The following SCARA5 variants were observed in gnomAD, a reference collection of about 807,000 sequenced individuals.
SCARA5 encodes scavenger receptor class A, member 5 (putative).
Under a neutral mutation model 46.3 loss-of-function variants are expected in SCARA5, and 45 were observed. The observed-to-expected ratio is 0.97, with a 90% CI of 0.76 to 1.24. The LOEUF is 1.24. SCARA5 is among the 50% of genes most tolerant of loss of function. The pLI is 0.00. For missense variants in SCARA5, 680 were observed against 689.0 expected (o/e 0.99, Z 0.15); for synonymous variants, 333 against 306.5 (o/e 1.09, Z -0.90).
In SCARA5 at chr8:27,871,819, A is replaced by T. The variant is rs1020272041; in HGVS notation, c.*115T>A. ...CTGGGATGCAGGTGTGAGGACTGAG[A>T]ATGCTGGACGGGGTGTGGTCGAGGC... On this transcript the variant is annotated 3_prime_UTR_variant, in exon 9 of 9. Coordinates refer to ENST00000354914, the MANE Select transcript of SCARA5 (RefSeq NM_173833.6). 3.2e-6 allele frequency: 5 copies of T among 1,560,758 alleles called. No homozygotes were observed. The highest frequency in any genetic ancestry group is 1.3e-5 in the African/African-American group (1 of 74,158).
chr8:27,892,754 C>T (rs1055531322), intron 7 of SCARA5, among the ~76,000 whole-genome samples: 5 of 152,058 alleles, frequency 3.3e-5, no homozygotes, highest in Non-Finnish European at 7.4e-5. Flanking sequence ...CACAGGCGCC[C>T]GCCACCACGA....
chr8:27,944,189 T>C (rs1035348804), intron 3 of SCARA5, among the ~76,000 whole-genome samples: 4 of 152,204 alleles, frequency 2.6e-5, no homozygotes, highest in African/African-American at 7.2e-5. Context: ...GAAAACCACA[T>C]GTATATTCTG....
intron 2 of SCARA5, among the ~76,000 whole-genome samples, chr8:27,974,262 C>T (rs887049757): frequency 3.9e-5 from 6 of 152,150 alleles, no homozygotes; most frequent in Non-Finnish European, 8.8e-5. Context: ...GAACCATGAG[C>T]GAGTATTCCA....
At chr8:27,917,781 A>G (rs1273619552) in intron 4 of SCARA5, among the ~76,000 whole-genome samples, 1 of 152,206 alleles carries the variant, frequency 6.6e-6, no homozygotes, top group East Asian at 1.9e-4. Flanking sequence ...ATTTAATACT[A>G]TTAGTTAGTT....
At chr8:27,986,936 C>A (rs893828608) in intron 2 of SCARA5, among the ~76,000 whole-genome samples, 4 of 152,228 alleles carry the variant, frequency 2.6e-5, no homozygotes, top group Non-Finnish European at 5.9e-5. Flanking sequence ...GCGCTCTGGG[C>A]TCCTCCAAAG....
chr8:27,962,092 G>A (rs1808302323), intron 3 of SCARA5, among the ~76,000 whole-genome samples: 1 of 152,196 alleles, frequency 6.6e-6, no homozygotes, highest in Admixed American at 6.5e-5. Context: ...AGGTAAAGAA[G>A]ATCAAGTAGA....
intron 4 of SCARA5, among the ~76,000 whole-genome samples, chr8:27,919,060 G>C (rs2129805105): frequency 6.8e-6 from 1 of 146,874 alleles, no homozygotes; most frequent in Non-Finnish European, 1.5e-5. Context: ...AGGAGGAGGA[G>C]AGAAGGGAGG....
chr8:27,934,678 T>C (rs1026256267), intron 3 of SCARA5, among the ~76,000 whole-genome samples: 9 of 152,346 alleles, frequency 5.9e-5, no homozygotes, highest in African/African-American at 2.2e-4. Context: ...CCCAGAGCTC[T>C]TCCTTGCATT....
At chr8:27,888,121 A>T (rs1806926386) in intron 7 of SCARA5, among the ~76,000 whole-genome samples, 6 of 151,984 alleles carry the variant, frequency 3.9e-5, no homozygotes, top group Admixed American at 3.9e-4. Context: ...CAGTGGCATG[A>T]TCTCGGCTCA....
At chr8:27,958,905 G>A (rs981542234) in intron 3 of SCARA5, among the ~76,000 whole-genome samples, 1 of 152,312 alleles carries the variant, frequency 6.6e-6, no homozygotes, top group African/African-American at 2.4e-5. Flanking sequence ...TCATTTGGAT[G>A]TAGGGTCGTG....
chr8:27,913,431 A>G (rs895182722), intron 4 of SCARA5, among the ~76,000 whole-genome samples: 1 of 152,140 alleles, frequency 6.6e-6, no homozygotes, highest in East Asian at 1.9e-4. Context: ...TTGACTTTTT[A>G]GTGTGTTTAC....
rs140664501 is a variant in SCARA5 at position 27,978,273 on chromosome 8, T to C, written c.112+9231A>G. On this transcript the variant is annotated intron_variant, in intron 2 of 8. Transcript: ENST00000354914. ...TTCGAACTCCTGACCTCAGGTGATC[T>C]GCCCACCTTGGCCTCCCAAAATGCT... Among the ~76,000 whole-genome samples the C allele has an allele frequency of 8.3e-4, 126 of 151,776 alleles. 1 individual carries two copies. In the East Asian group the frequency reaches 0.012, roughly 15 times the overall value.
intron 3 of SCARA5, among the ~76,000 whole-genome samples, chr8:27,934,427 C>A (rs759173094): frequency 6.6e-6 from 1 of 152,178 alleles, no homozygotes; most frequent in Non-Finnish European, 1.5e-5. Flanking sequence ...TCAGAGTGTT[C>A]TCACAACTTC....
At chr8:27,933,506 A>C (rs1212686632) in intron 3 of SCARA5, among the ~76,000 whole-genome samples, 1 of 125,620 alleles carries the variant, frequency 8.0e-6, no homozygotes, top group East Asian at 2.4e-4. Context: ...TGGGTGACAG[A>C]GTGAGACTCC....
rs193187969 is a variant in SCARA5 at position 27,921,416 on chromosome 8, T to C, written c.916+155A>G. ...TTGGGCAGAAAATTCCAGAGTCCTG[T>C]AGGGCAAGACTTAGAGAGTATGGGG... On this transcript the variant is annotated intron_variant, in intron 4 of 8. Transcript: ENST00000354914. Among the ~76,000 whole-genome samples, 51 of 151,116 alleles carry C rather than the reference T, an allele frequency of 3.4e-4. 1 individual carries two copies. The Middle Eastern group carries it at 0.014, about 40-fold the overall frequency.
At position 27,905,538 on chromosome 8, in the gene SCARA5, A is replaced by AGGGGGCGG; in HGVS notation, c.1097-705_1097-704insCCGCCCCC. 5.5e-5 allele frequency among the ~76,000 whole-genome samples: 2 copies of AGGGGGCGG among 36,564 alleles called. 1 individual carries two copies. The highest frequency in any genetic ancestry group is 1.8e-4 in the Non-Finnish European group (2 of 10,948). 24.0% of individuals were successfully genotyped at this position (36,564 alleles called of 152,430 possible). On this transcript the variant is annotated intron_variant, in intron 6 of 8. Transcript: ENST00000354914. ...ATCCAAGATTTGGGGGGGGGAAAAA[A>AGGGGGCGG]AAAAGGCAGCCATATACATATATAG...
At chr8:27,969,182 T>C (rs990645547) in intron 2 of SCARA5, among the ~76,000 whole-genome samples, 2 of 152,176 alleles carry the variant, frequency 1.3e-5, no homozygotes, top group African/African-American at 4.8e-5. Flanking sequence ...ACTTTTTTTT[T>C]CCAAGTGGCA....
intron 2 of SCARA5, among the ~76,000 whole-genome samples, chr8:27,975,434 C>A (rs1322223859): frequency 6.6e-6 from 1 of 152,164 alleles, no homozygotes; most frequent in Non-Finnish European, 1.5e-5. Flanking sequence ...GTCCTGGGAA[C>A]CCCGATTTAT....
At chr8:27,940,950 T>C (rs558500747) in intron 3 of SCARA5, among the ~76,000 whole-genome samples, 28 of 152,348 alleles carry the variant, frequency 1.8e-4, no homozygotes, top group African/African-American at 6.7e-4. Context: ...GTTGGATATC[T>C]TCAGGATTGC....
Sources: gnomAD v4.1 joint callset for allele counts (sites outside exome capture counted in the v4.1 genomes callset) on GRCh38, gnomAD v4.1.1 for gene constraint, MANE v1.5 for transcripts, NCBI Gene and HGNC (gene_info 2026-07-23, HGNC 2026-07-21) for gene names.